Variants in ZNF750 observed in about 807,000 individuals in gnomAD.
ZNF750 encodes zinc finger protein 750.
A neutral mutation model predicts 31.6 loss-of-function variants in ZNF750; 10 were observed. The observed-to-expected ratio is 0.32, with a 90% CI of 0.19 to 0.54. The LOEUF (loss-of-function observed/expected upper bound fraction) is 0.54, where lower values mean the gene tolerates loss of function less well. ZNF750 is among the 20% of genes least tolerant of loss of function. The probability of loss-of-function intolerance (pLI) is 0.95; values close to 1 mark genes in which losing one functional copy is unlikely to be tolerated. For synonymous variants in ZNF750, 400 were observed against 404.9 expected (o/e 0.99, Z 0.15); for missense variants, 914 against 934.9 (o/e 0.98, Z 0.29).
rs1228183846 is a variant in ZNF750, at chr17:82,831,446, G to T, written c.1009C>A (p.Pro337Thr). Residue 337 changes from proline to threonine, a missense_variant, in exon 2 of 3, where the codon CCT (proline) becomes ACT (threonine). By Grantham distance (38) the Pro-to-Thr change is conservative (BLOSUM62 -1). Around this residue, in one of 2 missense-constraint regions of ZNF750, gnomAD observed 880 missense variants for 868.9 expected, o/e 1.01. Coordinates refer to ENST00000269394, the MANE Select transcript of ZNF750 (RefSeq NM_024702.3). This position sits in a 1 kb window ranked among gnomAD's most constrained non-coding sequence, Gnocchi z 4.6. ...AFSSYGLRLP[P>T]VTGLTRDQSS... Reference sequence around the variant, plus strand: ...TGATCTCGGGTGAGGCCAGTGACAGGTGGGAGTCTGAGACCATAGGAGGAA... The same window carrying T: ...TGATCTCGGGTGAGGCCAGTGACAGTTGGGAGTCTGAGACCATAGGAGGAA... The T allele has an allele frequency of 1.4e-5, 22 of 1,614,088 alleles. No individual in the cohort carries two copies. Among genetic ancestry groups the T allele is most frequent in the Non-Finnish European group, 1.8e-5 (21 of 1,180,044 alleles).
At chr17:82,836,448 C>A (rs973941237) in intron 1 of ZNF750, among the ~76,000 whole-genome samples, 1 of 152,214 alleles carries the variant, frequency 6.6e-6, no homozygotes, top group Non-Finnish European at 1.5e-5. Flanking sequence ...TGCGTCCTCG[C>A]GAGACCGAAA....
At position 82,835,580 on chromosome 17, in the gene ZNF750, G is replaced by A. The variant is rs1326491574; in HGVS notation, c.-182-2944C>T. 5.9e-5 allele frequency among the ~76,000 whole-genome samples: 9 copies of A among 151,930 alleles called. No homozygotes were observed. Among genetic ancestry groups the A allele is most frequent in the African/African-American group, 1.9e-4 (8 of 41,380 alleles). ...TGGGATTACAGGTGCCTACCACCAC[G>A]CCCAGCTAATTTTTTTGTAATTTTA... On this transcript the variant is annotated intron_variant, in intron 1 of 2. Coordinates refer to ENST00000269394, the MANE Select transcript of ZNF750 (RefSeq NM_024702.3). This position sits in a 1 kb window ranked among gnomAD's most constrained non-coding sequence, Gnocchi z 4.5.
Position 82,831,955 on chromosome 17 carries a change from T to C in ZNF750, c.500A>G (p.Glu167Gly). Residue 167 changes from glutamate to glycine, a missense_variant, in exon 2 of 3, where the codon GAG becomes GGG. By Grantham distance (98) the Glu-to-Gly change is moderately conservative (BLOSUM62 -2). Transcript: ENST00000269394. The surrounding 1 kb of genome is among the most constrained non-coding windows in gnomAD (Gnocchi z 4.6). ...ARPSAFVPVGEHRLKGPDNAE... is the reference protein window; with the variant it reads ...ARPSAFVPVGGHRLKGPDNAE... Reference sequence around the variant, plus strand: ...GTTGTCTGGCCCCTTGAGTCTGTGCTCGCCGACTGGAACAAATGCAGAAGG... The same window carrying C: ...GTTGTCTGGCCCCTTGAGTCTGTGCCCGCCGACTGGAACAAATGCAGAAGG... The C allele has an allele frequency of 6.2e-7, 1 of 1,613,962 alleles. No homozygotes were observed. Among genetic ancestry groups the C allele is most frequent in the Non-Finnish European group, 8.5e-7 (1 of 1,179,888 alleles).
rs780074965 is a variant in ZNF750, at chr17:82,831,409, A to G, written c.1046T>C (p.Leu349Pro). Residue 349 changes from leucine (L) to proline (P), a missense_variant, in exon 2 of 3, where the codon CTG becomes CCG. By Grantham distance (98) the Leu-to-Pro change is moderately conservative. This residue lies in a region of ZNF750 where 880 missense variants were observed against 868.9 expected (regional missense o/e 1.01). Coordinates refer to ENST00000269394, the MANE Select transcript of ZNF750 (RefSeq NM_024702.3). The surrounding 1 kb of genome is among the most constrained non-coding windows in gnomAD (Gnocchi z 4.6). ...TGLTRDQSSH[L>P]LEEATLVYPA... ...ATAGACCAGGGTGGCTTCTTCAAGC[A>G]GGTGAGAGCTCTGATCTCGGGTGAG... The G allele has an allele frequency of 2.5e-6, 4 of 1,614,072 alleles. No individual in the cohort carries two copies. In the East Asian group the frequency reaches 6.7e-5, roughly 27 times the overall value.
rs776384878 is a variant in ZNF750 at position 82,831,190 on chromosome 17, T to C, written c.1265A>G (p.Gln422Arg). 1.2e-6 allele frequency: 2 copies of C among 1,614,174 alleles called. No homozygotes were observed. The highest frequency in any genetic ancestry group is 3.3e-5 in the Admixed American group (2 of 60,022). Residue 422 changes from glutamine to arginine, a missense_variant, in exon 2 of 3, where the codon CAG (glutamine) becomes CGG (arginine). Transcript: ENST00000269394. The surrounding 1 kb of genome is among the most constrained non-coding windows in gnomAD (Gnocchi z 4.6). The stretch of plus-strand genomic sequence containing the variant: ...CAGGCCTTCGCAGGTCTGGCTCGTC[T>C]GCATGAAGTCGGTGGGGCTCGGCCT... ...PGRPSPTDFM[Q>R]TSQTCEGLYD...
At chr17:82,830,908 A>G in intron 2 of ZNF750, 31 bp from the exon 3 acceptor site, 3 of 1,612,956 alleles carry the variant, frequency 1.9e-6, no homozygotes, top group Middle Eastern at 1.6e-4. Context: ...GCTTAGTAGG[A>G]GCTTGCTTAG....
At chr17:82,838,984 C>A in intron 1 of ZNF750, 2 of 985,110 alleles carry the variant, frequency 2.0e-6, no homozygotes, top group South Asian at 9.4e-5. Flanking sequence ...TCCTCCAAAT[C>A]AAGTTTATGA....
At position 82,832,004 on chromosome 17, in the gene ZNF750, G is replaced by C. The variant is rs1437850471; in HGVS notation, c.451C>G (p.Pro151Ala). ...GGCCGAGCTGCGCCTTCCAGAGCAGGCTGGGCACCGAGGGCGGCTTCCGGA... is the reference window on the plus strand; with the variant it reads ...GGCCGAGCTGCGCCTTCCAGAGCAGCCTGGGCACCGAGGGCGGCTTCCGGA... ...PAPEAALGAQ[P>A]ALEGAARPSA... Residue 151 changes from proline to alanine, a missense_variant, in exon 2 of 3, where the codon CCT becomes GCT. Physicochemically the swap from Pro to Ala is conservative, Grantham distance 27. This residue lies in a region of ZNF750 where 880 missense variants were observed against 868.9 expected (regional missense o/e 1.01). Transcript: ENST00000269394. This position sits in a 1 kb window ranked among gnomAD's most constrained non-coding sequence, Gnocchi z 4.9. 9 of 1,612,622 alleles carry C rather than the reference G, an allele frequency of 5.6e-6. No homozygotes were observed. The highest frequency in any genetic ancestry group is 7.6e-6 in the Non-Finnish European group (9 of 1,178,924).
chr17:82,836,934 C>T (rs1364031801), intron 1 of ZNF750, among the ~76,000 whole-genome samples: 2 of 152,082 alleles, frequency 1.3e-5, no homozygotes, highest in Non-Finnish European at 2.9e-5. Flanking sequence ...GAGGAAGCCC[C>T]TGGTGGTGAG....
chr17:82,836,696 AAACAAAAC>A (rs1466542304), intron 1 of ZNF750, among the ~76,000 whole-genome samples: 5 of 143,364 alleles, frequency 3.5e-5, no homozygotes, highest in African/African-American at 1.5e-4. Context: ...GCAAAAAAAA[AAACAAAAC>A]AAAACAAAAC....
chr17:82,831,590 C>A lies in ZNF750; in HGVS notation c.865G>T (p.Gly289Trp), dbSNP rs2053514708. ...GGAGCCAGGTGCTTAGGGATCGGCCCCGGGTGAGGCAGGAAGTGTCTCGGG... is the reference window on the plus strand; with the variant it reads ...GGAGCCAGGTGCTTAGGGATCGGCCACGGGTGAGGCAGGAAGTGTCTCGGG... ...QDPRHFLPHP[G>W]PIPKHLAPSP... Residue 289 changes from glycine (G) to tryptophan (W), a missense_variant, in exon 2 of 3, where the codon GGG becomes TGG. This residue lies in a region of ZNF750 where 880 missense variants were observed against 868.9 expected (regional missense o/e 1.01). Coordinates refer to ENST00000269394, the MANE Select transcript of ZNF750 (RefSeq NM_024702.3). The surrounding 1 kb of genome is among the most constrained non-coding windows in gnomAD (Gnocchi z 4.6). 1 of 1,613,970 alleles carries A rather than the reference C, an allele frequency of 6.2e-7. No individual in the cohort carries two copies. Among genetic ancestry groups the A allele is most frequent in the South Asian group, 1.1e-5 (1 of 91,076 alleles).
chr17:82,838,623 G>A (rs2054189965), intron 1 of ZNF750: 1 of 985,018 alleles, frequency 1.0e-6, no homozygotes, highest in South Asian at 4.7e-5. Context: ...AACGAGATTT[G>A]TGAGTTTTAC....
chr17:82,837,989 G>C (rs2054129333), intron 1 of ZNF750, among the ~76,000 whole-genome samples: 1 of 152,252 alleles, frequency 6.6e-6, no homozygotes, highest in South Asian at 2.1e-4. Context: ...CATATTTACA[G>C]ATGCCACTCT....
Position 82,830,561 on chromosome 17 carries a change from T to C in ZNF750, c.1753A>G (p.Thr585Ala). Residue 585 changes from threonine to alanine, a missense_variant, in exon 3 of 3, where the codon ACT (threonine) becomes GCT (alanine). Thr to Ala is a moderately conservative substitution (Grantham distance 58). Around this residue, in one of 2 missense-constraint regions of ZNF750, gnomAD observed 880 missense variants for 868.9 expected, o/e 1.01. Coordinates refer to ENST00000269394, the MANE Select transcript of ZNF750 (RefSeq NM_024702.3). ...CCATCCTCAGAACCTTCTGTCCCAG[T>C]CTTCTGTGGAACAGCAGCAGCAGGT... is the stretch of plus-strand genomic sequence containing the variant. ...AEPAAAVPQK[T>A]GTEGSEDGPS... The C allele has an allele frequency of 6.2e-7, 1 of 1,614,040 alleles. No homozygotes were observed. The highest frequency in any genetic ancestry group is 8.5e-7 in the Non-Finnish European group (1 of 1,179,964).
intron 1 of ZNF750, among the ~76,000 whole-genome samples, chr17:82,837,792 A>G (rs113995153): frequency 0.027 from 4,170 of 152,260 alleles, 214 homozygotes; most frequent in African/African-American, 0.094. Flanking sequence ...CTGCTGGCTA[A>G]TGTGTGCCCT....
intron 1 of ZNF750, among the ~76,000 whole-genome samples, chr17:82,834,238 G>A (rs866707490): frequency 2.0e-5 from 3 of 152,278 alleles, no homozygotes; most frequent in South Asian, 2.1e-4. Flanking sequence ...GTGAGCCACC[G>A]CACCCGTCCC....
chr17:82,839,729 G>T (rs79313350), intron 1 of ZNF750, among the ~76,000 whole-genome samples, 198 bp downstream of exon 1: 19,823 of 152,214 alleles, frequency 0.13, 1,418 homozygotes, highest in South Asian at 0.3. Flanking sequence ...TTAGAATAAA[G>T]TGTCAGCCTC....
Position 82,830,196 on chromosome 17 carries a change from C to T in ZNF750, c.2118G>A (p.Lys706=). The stretch of plus-strand genomic sequence containing the variant: ...TGAACACTCTGGCCGTGTCCTGCAG[C>T]TTCGCCTTCTTAGCTCCTTGCTGGG... ...GKSQQGAKKA[K]LQDTARVFTL... The change falls in exon 3 of 3, where the codon AAG becomes AAA. Residue 706 remains lysine, a synonymous_variant. Transcript: ENST00000269394. 1 of 1,614,214 alleles carries T rather than the reference C, an allele frequency of 6.2e-7. No individual in the cohort carries two copies. The highest frequency in any genetic ancestry group is 8.5e-7 in the Non-Finnish European group (1 of 1,180,022).
At position 82,832,875 on chromosome 17, in the gene ZNF750, T is replaced by C. The variant is rs2053640519; in HGVS notation, c.-182-239A>G. 6.6e-6 allele frequency among the ~76,000 whole-genome samples: 1 copy of C among 152,220 alleles called. No homozygotes were observed. The highest frequency in any genetic ancestry group is 6.5e-5 in the Admixed American group (1 of 15,284). ...CTGAGTCTGATCTGAAAGAGTCACCTCGGGGCCTAGAGGTGGAGTGTGGTG... is the reference window on the plus strand; with the variant it reads ...CTGAGTCTGATCTGAAAGAGTCACCCCGGGGCCTAGAGGTGGAGTGTGGTG... On this transcript the variant is annotated intron_variant, in intron 1 of 2. Transcript: ENST00000269394. The surrounding 1 kb of genome is among the most constrained non-coding windows in gnomAD (Gnocchi z 4.9).
Sources: gnomAD v4.1 joint callset for allele counts (sites outside exome capture counted in the v4.1 genomes callset) on GRCh38, gnomAD v4.1.1 for gene constraint, gnomAD v4.1.1 regional missense constraint, Gnocchi (gnomAD v3.1) non-coding constraint, MANE v1.5 for transcripts, NCBI Gene and HGNC (gene_info 2026-07-23, HGNC 2026-07-21) for gene names.